The following SAXO1 variants were observed in gnomAD, a reference collection of about 807,000 sequenced individuals.
SAXO1 encodes the protein 4930500O09Rik.
In SAXO1, 21 loss-of-function variants were observed where a neutral mutation model predicts 17.5. The ratio of observed to expected loss-of-function variants is 1.20; its 90% CI spans 0.85 to 1.72. SAXO1 has a LOEUF of 1.72. Among genes scored for constraint, SAXO1 ranks in the 40% most tolerant of loss-of-function variants. The probability of loss-of-function intolerance (pLI) is 0.00; values close to 1 mark genes in which losing one functional copy is unlikely to be tolerated. For missense variants in SAXO1, 843 were observed against 596.0 expected, an observed-to-expected ratio of 1.41 and a Z score of -4.32; for synonymous variants, 274 against 216.5, an observed-to-expected ratio of 1.27 and a Z score of -2.33.
intron 1 of SAXO1, among the ~76,000 whole-genome samples, chr9:18,996,879 A>C (rs1372532124): frequency 6.6e-6 from 1 of 152,222 alleles, no homozygotes; most frequent in Non-Finnish European, 1.5e-5. Context: ...AAAGGCATCC[A>C]ATTGGAAAGG....
At chr9:18,967,617 G>A (rs981792505) in intron 1 of SAXO1, among the ~76,000 whole-genome samples, 3 of 152,174 alleles carry the variant, frequency 2.0e-5, no homozygotes, top group African/African-American at 7.2e-5. Flanking sequence ...AGTGTCCCAG[G>A]TCAACTTCAG....
intron 1 of SAXO1, among the ~76,000 whole-genome samples, chr9:19,017,968 G>A (rs973912108): frequency 1.3e-5 from 2 of 152,058 alleles, no homozygotes; most frequent in Non-Finnish European, 2.9e-5. Flanking sequence ...AGGAGGTGAC[G>A]ATGACCCTGG....
chr9:18,997,120 T>A (rs1834039555), intron 1 of SAXO1, among the ~76,000 whole-genome samples: 1 of 151,740 alleles, frequency 6.6e-6, no homozygotes, highest in Non-Finnish European at 1.5e-5. Flanking sequence ...CCACAGAGGA[T>A]GAGCCAAAGC....
intron 1 of SAXO1, among the ~76,000 whole-genome samples, chr9:18,957,356 C>T (rs1832295511): frequency 6.6e-6 from 1 of 152,192 alleles, no homozygotes; most frequent in Non-Finnish European, 1.5e-5. Context: ...TCGGCCAGCC[C>T]TACCACTTCA....
At chr9:18,976,463 G>A (rs944986516) in intron 1 of SAXO1, among the ~76,000 whole-genome samples, 1 of 152,198 alleles carries the variant, frequency 6.6e-6, no homozygotes, top group Non-Finnish European at 1.5e-5. Flanking sequence ...TAATATGATT[G>A]AGAAAACTAA....
chr9:18,946,646 A>C (rs1382684278), intron 2 of SAXO1, among the ~76,000 whole-genome samples: 1 of 144,762 alleles, frequency 6.9e-6, no homozygotes, highest in East Asian at 1.9e-4. Context: ...TGCTCAAAAA[A>C]GAAAAAAAAA....
chr9:18,935,652 A>C (rs1211550435), intron 3 of SAXO1, among the ~76,000 whole-genome samples: 1 of 152,146 alleles, frequency 6.6e-6, no homozygotes, highest in African/African-American at 2.4e-5. Flanking sequence ...GAGCTTATCA[A>C]GACCCACTGT....
chr9:18,954,973 G>C lies in SAXO1; in HGVS notation c.39-4036C>G, dbSNP rs149613209. 7.0e-4 allele frequency among the ~76,000 whole-genome samples: 106 copies of C among 151,344 alleles called. 2 individuals are homozygous for C. The East Asian group carries it at 0.017, about 24-fold the overall frequency. ...TCCTCTAGAATAACATCATCCAATG[G>C]AAATAGAATGCAAGCCATGTCATAC... On this transcript the variant is annotated intron_variant, in intron 1 of 3. Transcript: ENST00000380534.
intron 1 of SAXO1, among the ~76,000 whole-genome samples, chr9:18,966,603 T>G (rs868514237): frequency 1.3e-5 from 2 of 152,212 alleles, no homozygotes; most frequent in African/African-American, 4.8e-5. Flanking sequence ...GTCATTTATA[T>G]TCTTCTCTAA....
At chr9:18,993,586 A>C (rs1410706631) in intron 1 of SAXO1, among the ~76,000 whole-genome samples, 3 of 152,208 alleles carry the variant, frequency 2.0e-5, no homozygotes, top group African/African-American at 7.2e-5. Context: ...GTTACAGTGC[A>C]CTGAAAACAC....
At chr9:19,031,761 T>G (rs1035054968) in intron 1 of SAXO1, among the ~76,000 whole-genome samples, 1 of 152,152 alleles carries the variant, frequency 6.6e-6, no homozygotes, top group Non-Finnish European at 1.5e-5. Context: ...ACTCTGAGAG[T>G]ATCAATTCAA....
intron 1 of SAXO1, among the ~76,000 whole-genome samples, chr9:18,973,595 C>A (rs1448646891): frequency 2.0e-5 from 3 of 152,338 alleles, no homozygotes; most frequent in South Asian, 2.1e-4. Flanking sequence ...TGGTGCTGCA[C>A]TGGATAAGAC....
intron 1 of SAXO1, among the ~76,000 whole-genome samples, chr9:18,976,435 T>A (rs550107112): frequency 6.6e-6 from 1 of 152,332 alleles, no homozygotes; most frequent in African/African-American, 2.4e-5. Flanking sequence ...GCAGCTCATG[T>A]TGTGGCCAGA....
At chr9:18,975,559 G>C (rs1408523942) in intron 1 of SAXO1, among the ~76,000 whole-genome samples, 1 of 152,202 alleles carries the variant, frequency 6.6e-6, no homozygotes, top group Non-Finnish European at 1.5e-5. Context: ...TTGCACTTGT[G>C]TAACAAAGCT....
intron 3 of SAXO1, among the ~76,000 whole-genome samples, chr9:18,932,335 C>T (rs1215401812): frequency 6.6e-6 from 1 of 152,214 alleles, no homozygotes; most frequent in Non-Finnish European, 1.5e-5. Context: ...AAGTTAACGA[C>T]AATAGACATA....
At chr9:19,025,508 T>C (rs1474242050) in intron 1 of SAXO1, among the ~76,000 whole-genome samples, 2 of 152,196 alleles carry the variant, frequency 1.3e-5, no homozygotes, top group African/African-American at 2.4e-5. Context: ...TGATTTAAGT[T>C]GCAGATACAT....
At chr9:18,940,589 T>G (rs963024860) in intron 3 of SAXO1, among the ~76,000 whole-genome samples, 5 of 152,242 alleles carry the variant, frequency 3.3e-5, no homozygotes, top group African/African-American at 1.2e-4. Context: ...AAAGTGGCCC[T>G]CTCTATTCAC....
At chr9:18,935,316 T>C (rs1219078989) in intron 3 of SAXO1, among the ~76,000 whole-genome samples, 1 of 152,170 alleles carries the variant, frequency 6.6e-6, no homozygotes, top group Non-Finnish European at 1.5e-5. Flanking sequence ...ACTTTGCCAA[T>C]GGAGCTGTGT....
chr9:18,989,923 G>T (rs964258761), intron 1 of SAXO1, among the ~76,000 whole-genome samples: 6 of 152,092 alleles, frequency 3.9e-5, no homozygotes, highest in African/African-American at 1.2e-4. Context: ...TGAGAGAAAA[G>T]GAATTAATTT....
Sources: gnomAD v4.1 joint callset for allele counts (sites outside exome capture counted in the v4.1 genomes callset) on GRCh38, gnomAD v4.1.1 for gene constraint, MANE v1.5 for transcripts, NCBI Gene and HGNC (gene_info 2026-07-23, HGNC 2026-07-21) for gene names.